Variants in HMGA2 observed in about 807,000 individuals in gnomAD.
HMGA2 encodes the protein high mobility group AT-hook 2, also known as high mobility group protein HMGI-C.
HMGA2 carries 8 observed loss-of-function variants against 19.1 expected under a neutral mutation model. That is an observed-to-expected ratio of 0.42 (90% CI 0.25 to 0.76). The LOEUF is 0.76. HMGA2 is among the 30% of genes least tolerant of loss of function. The probability of loss-of-function intolerance (pLI) is 0.28; values close to 1 mark genes in which losing one functional copy is unlikely to be tolerated. For missense variants in HMGA2, 109 were observed against 136.3 expected (o/e 0.80, Z 1.00); for synonymous variants, 60 against 48.8 (o/e 1.23, Z -0.96).
intron 3 of HMGA2, among the ~76,000 whole-genome samples, chr12:65,897,713 A>T (rs1309519661): frequency 6.6e-6 from 1 of 152,224 alleles, no homozygotes; most frequent in Non-Finnish European, 1.5e-5. Flanking sequence ...TAATCCCAGC[A>T]CTGTGGGAGG....
At chr12:65,884,330 G>A (rs890809073) in intron 3 of HMGA2, among the ~76,000 whole-genome samples, 2 of 152,174 alleles carry the variant, frequency 1.3e-5, no homozygotes, top group Non-Finnish European at 2.9e-5. Flanking sequence ...GAAGAGGTAA[G>A]TATAAGACAA....
At chr12:65,945,587 G>T (rs1157164145) in intron 3 of HMGA2, among the ~76,000 whole-genome samples, 3 of 152,070 alleles carry the variant, frequency 2.0e-5, no homozygotes, top group Non-Finnish European at 4.4e-5. Flanking sequence ...TGGACAAAGG[G>T]TGAAGAAGGA....
intron 2 of HMGA2, among the ~76,000 whole-genome samples, chr12:65,837,927 A>T (rs2120870016): frequency 6.6e-6 from 1 of 152,220 alleles, no homozygotes; most frequent in Admixed American, 6.5e-5. Flanking sequence ...TTGACAGGTG[A>T]TTGTTTCAGG....
chr12:65,852,224 CG>C (rs1179993819), intron 3 of HMGA2, among the ~76,000 whole-genome samples: 3 of 152,152 alleles, frequency 2.0e-5, no homozygotes, highest in African/African-American at 7.2e-5. Context: ...TAGCTGGATG[CG>C]GGGGCTCACG....
intron 3 of HMGA2, among the ~76,000 whole-genome samples, chr12:65,947,089 AT>A (rs1405468911): frequency 2.6e-5 from 4 of 151,540 alleles, no homozygotes; most frequent in African/African-American, 9.7e-5. Flanking sequence ...TTCACGTGGT[AT>A]GTTCAACTCA....
chr12:65,862,653 A>G (rs988717867), intron 3 of HMGA2, among the ~76,000 whole-genome samples: 1 of 152,232 alleles, frequency 6.6e-6, no homozygotes, highest in African/African-American at 2.4e-5. Flanking sequence ...GTGGATGACC[A>G]TGCAACTCAA....
At chr12:65,918,357 G>A (rs1172085572) in intron 3 of HMGA2, among the ~76,000 whole-genome samples, 1 of 152,170 alleles carries the variant, frequency 6.6e-6, no homozygotes, top group African/African-American at 2.4e-5. Context: ...GAGAAGTGGA[G>A]CTTGGTTAGA....
At chr12:65,960,399 A>C (rs1876719916) in intron 4 of HMGA2, among the ~76,000 whole-genome samples, 1 of 152,192 alleles carries the variant, frequency 6.6e-6, no homozygotes, top group East Asian at 1.9e-4. Flanking sequence ...TGGGTTTTCC[A>C]ACCTCATTCC....
At position 65,963,245 on chromosome 12, in the gene HMGA2, G is replaced by C. The variant is rs755573046; in HGVS notation, c.283G>C (p.Glu95Gln). ...QQVVQKKPAQ[E>Q]ETEETSSQES... ...TGGCTGTGCCCTTTGTGTGTTCCAG[G>C]AGGAAACTGAAGAGACATCCTCACA... Residue 95 changes from glutamate (E) to glutamine (Q), a missense_variant and splice_region_variant, in exon 5 of 5, where the codon GAG becomes CAG. Glu to Gln is a conservative substitution (Grantham distance 29). Transcript: ENST00000403681. The C allele has an allele frequency of 1.2e-6, 2 of 1,613,722 alleles. No homozygotes were observed. The highest frequency in any genetic ancestry group is 2.2e-5 in the South Asian group (2 of 91,052).
chr12:65,910,897 A>T (rs1471757359), intron 3 of HMGA2, among the ~76,000 whole-genome samples: 1 of 152,196 alleles, frequency 6.6e-6, no homozygotes, highest in Non-Finnish European at 1.5e-5. Context: ...TGAACTGTAT[A>T]GACCAGTTAG....
chr12:65,861,044 GA>G (rs1423678656), intron 3 of HMGA2, among the ~76,000 whole-genome samples: 5 of 151,972 alleles, frequency 3.3e-5, no homozygotes, highest in Non-Finnish European at 7.4e-5. Context: ...TCAAAATTAA[GA>G]AAAAAACGTG....
At chr12:65,867,176 CT>C (rs1456177539) in intron 3 of HMGA2, among the ~76,000 whole-genome samples, 1 of 152,162 alleles carries the variant, frequency 6.6e-6, no homozygotes, top group Non-Finnish European at 1.5e-5. Flanking sequence ...TTTTTGTTAA[CT>C]GGTATCCCTG....
intron 3 of HMGA2, among the ~76,000 whole-genome samples, chr12:65,851,132 A>T (rs1358999635): frequency 1.3e-5 from 2 of 152,198 alleles, no homozygotes; most frequent in Non-Finnish European, 2.9e-5. Context: ...CCTCTCTGAG[A>T]CTAAATTTCT....
chr12:65,842,697 G>A (rs1592379841), intron 3 of HMGA2: 1 of 1,523,138 alleles, frequency 6.6e-7, no homozygotes, highest in Non-Finnish European at 8.8e-7. Flanking sequence ...TTTGCCTCAA[G>A]ATGTACATAC....
chr12:65,875,747 G>T (rs1392685719), intron 3 of HMGA2, among the ~76,000 whole-genome samples: 4 of 151,552 alleles, frequency 2.6e-5, no homozygotes, highest in Admixed American at 2.0e-4. Context: ...CACTGTGCCC[G>T]GCCTTGTCTG....
rs549666524 is a variant in HMGA2, at chr12:65,846,561, C to A, written c.249+7992C>A. Among the ~76,000 whole-genome samples, 22 of 152,278 alleles carry A rather than the reference C, an allele frequency of 1.4e-4. 2 individuals carry two copies. The South Asian group carries it at 4.6e-3, about 32-fold the overall frequency. On this transcript the variant is annotated intron_variant, in intron 3 of 4. Transcript: ENST00000403681. Reference sequence around the variant, plus strand: ...AATGCACCTCGAGTGCCTGTTTAAACGTGATGTTGTGCAGAAGGAACAGCA... The same window carrying A: ...AATGCACCTCGAGTGCCTGTTTAAAAGTGATGTTGTGCAGAAGGAACAGCA...
chr12:65,965,688 T>G lies in HMGA2; in HGVS notation c.*2396T>G. On this transcript the variant is annotated 3_prime_UTR_variant, in exon 5 of 5. Transcript: ENST00000403681. Reference sequence around the variant, plus strand: ...TCTTTGGATGGGCCTTTTAGAAACCTCATTGGCCAGCTCATAAAATGGAAG... The same window carrying G: ...TCTTTGGATGGGCCTTTTAGAAACCGCATTGGCCAGCTCATAAAATGGAAG... 4.5e-6 allele frequency: 1 copy of G among 223,146 alleles called. No homozygotes were observed. Among genetic ancestry groups the G allele is most frequent in the Non-Finnish European group, 9.0e-6 (1 of 111,356 alleles). 13.8% of individuals were successfully genotyped at this position (223,146 alleles called of 1,614,324 possible). A position where few individuals can be genotyped will look rare whatever the true frequency, so the allele number is the denominator to read the frequency against.
At chr12:65,881,393 C>A (rs541700741) in intron 3 of HMGA2, 1 of 290,462 alleles carries the variant, frequency 3.4e-6, no homozygotes, top group African/African-American at 2.1e-5. Context: ...CATCTGCCTT[C>A]CCTCCAACAT....
rs145517944 is a variant in HMGA2 at position 65,859,013 on chromosome 12, C to T, written c.249+20444C>T. The T allele has an allele frequency of 7.9e-5, 12 of 152,296 alleles. No homozygotes were observed. The East Asian group carries it at 2.1e-3, about 27-fold the overall frequency. 9.4% of individuals were successfully genotyped at this position (152,296 alleles called of 1,614,324 possible). A position where few individuals can be genotyped will look rare whatever the true frequency, so the allele number is the denominator to read the frequency against. On this transcript the variant is annotated intron_variant, in intron 3 of 4. Coordinates refer to ENST00000403681, the MANE Select transcript of HMGA2 (RefSeq NM_003483.6). ...TCTCCCAGGCATGACGCCTAGGGAT[C>T]GTGTTTATCTGTCATCAGTTGGTGA...
Sources: gnomAD v4.1 joint callset for allele counts (sites outside exome capture counted in the v4.1 genomes callset) on GRCh38, gnomAD v4.1.1 for gene constraint, MANE v1.5 for transcripts, NCBI Gene and HGNC (gene_info 2026-07-23, HGNC 2026-07-21) for gene names.